ZFAT: variants seen among roughly 807,000 people sequenced by gnomAD.
ZFAT encodes zinc finger and AT-hook domain containing.
In ZFAT, 64 loss-of-function variants were observed where a neutral mutation model predicts 117.7. The ratio of observed to expected loss-of-function variants is 0.54; its 90% confidence interval spans 0.44 to 0.67. The LOEUF (loss-of-function observed/expected upper bound fraction) is 0.67, where lower values mean the gene tolerates loss of function less well. Ranked by LOEUF, ZFAT falls within the 30% of genes least tolerant of loss-of-function variation. The pLI is 0.00. For synonymous variants in ZFAT, 679 were observed against 615.0 expected (o/e 1.10, Z -1.54); for missense variants, 1,433 against 1,584.5 (o/e 0.90, Z 1.62).
intron 2 of ZFAT, among the ~76,000 whole-genome samples, chr8:134,642,214 A>T (rs1452354685): frequency 1.3e-5 from 2 of 152,170 alleles, no homozygotes; most frequent in Non-Finnish European, 2.9e-5. Flanking sequence ...CCCAGTCAAA[A>T]ATGTATCTGC....
the ZFAT span, among the ~76,000 whole-genome samples, chr8:134,756,177 C>T: frequency 1.3e-5 from 2 of 152,206 alleles, no homozygotes; most frequent in Non-Finnish European, 2.9e-5. Context: ...GCATAAGCCT[C>T]AGTGAGCTCT....
intron 10 of ZFAT, among the ~76,000 whole-genome samples, chr8:134,579,575 A>T (rs1825575241): frequency 6.6e-6 from 1 of 152,180 alleles, no homozygotes; most frequent in Admixed American, 6.5e-5. Flanking sequence ...TCAAGATGAG[A>T]TTTGGGCGGA....
intron 15 of ZFAT, among the ~76,000 whole-genome samples, chr8:134,494,133 C>T (rs1468677426): frequency 2.0e-5 from 3 of 152,066 alleles, no homozygotes; most frequent in Non-Finnish European, 4.4e-5. Flanking sequence ...AGGGAGCACT[C>T]TCTTCCCTAC....
At chr8:134,659,715 C>T (rs1427498124) in intron 1 of ZFAT, among the ~76,000 whole-genome samples, 2 of 152,054 alleles carry the variant, frequency 1.3e-5, no homozygotes, top group South Asian at 2.1e-4. Flanking sequence ...ATCCCCACTC[C>T]CCCAACCCAT....
At chr8:134,580,203 C>T (rs1825622712) in intron 10 of ZFAT, among the ~76,000 whole-genome samples, 1 of 151,834 alleles carries the variant, frequency 6.6e-6, no homozygotes, top group Non-Finnish European at 1.5e-5. Flanking sequence ...TGACCAAAAT[C>T]ACCCTACTAG....
At chr8:134,700,991 C>CA (rs1308963471) in intron 1 of ZFAT, among the ~76,000 whole-genome samples, 4 of 152,182 alleles carry the variant, frequency 2.6e-5, no homozygotes, top group Non-Finnish European at 5.9e-5. Context: ...CCTCACCCCC[C>CA]ACCCCCATGT....
intron 3 of ZFAT, among the ~76,000 whole-genome samples, chr8:134,614,932 A>G (rs566373755): frequency 6.6e-5 from 10 of 152,194 alleles, no homozygotes; most frequent in Non-Finnish European, 1.0e-4. Context: ...ACTATTACAT[A>G]AGGAAGAAGG....
intron 2 of ZFAT, among the ~76,000 whole-genome samples, chr8:134,652,675 T>C (rs1316084923): frequency 1.3e-5 from 2 of 152,204 alleles, no homozygotes; most frequent in African/African-American, 4.8e-5. Flanking sequence ...ACAGTAAACA[T>C]GGTCAACCTC....
chr8:134,533,372 C>T (rs769614078), intron 11 of ZFAT, among the ~76,000 whole-genome samples: 14 of 152,190 alleles, frequency 9.2e-5, no homozygotes, highest in Non-Finnish European at 2.1e-4. Context: ...TCAGGTGTCA[C>T]ATAATGACAT....
the ZFAT span, among the ~76,000 whole-genome samples, chr8:134,752,240 T>C: frequency 6.6e-6 from 1 of 152,194 alleles, no homozygotes; most frequent in Non-Finnish European, 1.5e-5. Flanking sequence ...TTAATCTATG[T>C]TACTCCTTTC....
chr8:134,495,667 C>T (rs74306370), intron 15 of ZFAT, among the ~76,000 whole-genome samples: 8 of 152,206 alleles, frequency 5.3e-5, no homozygotes, highest in Non-Finnish European at 1.0e-4. Context: ...TGGTGGCTCA[C>T]GCCTGTAATC....
intron 12 of ZFAT, among the ~76,000 whole-genome samples, chr8:134,531,224 T>C (rs1299243603): frequency 6.6e-6 from 1 of 152,206 alleles, no homozygotes; most frequent in African/African-American, 2.4e-5. Context: ...AGGGCAATGA[T>C]GGTATCATCA....
intron 10 of ZFAT, among the ~76,000 whole-genome samples, chr8:134,579,014 A>G (rs1825524780): frequency 6.6e-6 from 1 of 152,230 alleles, no homozygotes; most frequent in Non-Finnish European, 1.5e-5. Context: ...CAAAAAAGAG[A>G]AAACTGGATG....
intron 10 of ZFAT, among the ~76,000 whole-genome samples, chr8:134,572,503 A>G (rs1442713390): frequency 1.3e-5 from 2 of 152,190 alleles, no homozygotes; most frequent in East Asian, 3.9e-4. Context: ...ACTGTCTTTT[A>G]AAAAACAGCC....
chr8:134,547,642 A>G (rs2130672976), intron 11 of ZFAT, among the ~76,000 whole-genome samples: 1 of 152,366 alleles, frequency 6.6e-6, no homozygotes, highest in Admixed American at 6.5e-5. Context: ...TCCCTCTTAC[A>G]GGAATCTCCA....
At chr8:134,621,762 T>C (rs11985416) in intron 3 of ZFAT, among the ~76,000 whole-genome samples, 89,495 of 152,114 alleles carry the variant, frequency 0.59, 27,255 homozygotes, top group East Asian at 0.89. Context: ...TCCTCAGTAT[T>C]CTTCTAGTCC....
At chr8:134,547,131 C>T (rs921548536) in intron 11 of ZFAT, among the ~76,000 whole-genome samples, 1 of 152,172 alleles carries the variant, frequency 6.6e-6, no homozygotes, top group African/African-American at 2.4e-5. Context: ...AGTTAAGCGG[C>T]TTGCTGAAGT....
At chr8:134,675,171 T>C (rs538518090) in intron 1 of ZFAT, among the ~76,000 whole-genome samples, 1 of 152,280 alleles carries the variant, frequency 6.6e-6, no homozygotes, top group Admixed American at 6.5e-5. Flanking sequence ...TAAAGGAGCA[T>C]GTTCTAACCC....
At chr8:134,630,036 G>A (rs1829779729) in intron 3 of ZFAT, among the ~76,000 whole-genome samples, 1 of 152,134 alleles carries the variant, frequency 6.6e-6, no homozygotes, top group Non-Finnish European at 1.5e-5. Context: ...GCAAACACAG[G>A]AATATAGAGC....
Sources: allele counts gnomAD v4.1 joint callset (sites outside exome capture counted in the v4.1 genomes callset), GRCh38; gene constraint gnomAD v4.1.1; transcripts MANE v1.5; gene names NCBI Gene and HGNC (gene_info 2026-07-23, HGNC 2026-07-21).